The following ULK4 variants were observed in gnomAD, a reference collection of about 807,000 sequenced individuals.
ULK4 encodes unc-51 like kinase 4.
A neutral mutation model predicts 160.6 loss-of-function variants in ULK4; 133 were observed. The ratio of observed to expected loss-of-function variants is 0.83; its 90% CI spans 0.72 to 0.96. The LOEUF (loss-of-function observed/expected upper bound fraction) is 0.96. Among genes scored for constraint, ULK4 ranks in the 40% least tolerant of loss-of-function variants. ULK4 has a pLI of 0.00. For synonymous variants in ULK4, 534 were observed against 539.8 expected, an observed-to-expected ratio of 0.99 and a Z score of 0.15; for missense variants, 1,580 against 1,499.5, an observed-to-expected ratio of 1.05 and a Z score of -0.89.
chr3:41,731,675 GGA>G (rs1491179211), intron 22 of ULK4, among the ~76,000 whole-genome samples: 2 of 136,964 alleles, frequency 1.5e-5, no homozygotes, highest in Admixed American at 6.8e-5. Context: ...CAATTTTGGG[GGA>G]AAAAAAAAAA....
At chr3:41,740,595 A>G (rs2038208461) in intron 22 of ULK4, among the ~76,000 whole-genome samples, 1 of 151,928 alleles carries the variant, frequency 6.6e-6, no homozygotes, top group Non-Finnish European at 1.5e-5. Context: ...CAGATTTCAG[A>G]GCTGACATCA....
chr3:41,915,633 AAC>A (rs1299372407), intron 8 of ULK4, among the ~76,000 whole-genome samples: 1 of 152,208 alleles, frequency 6.6e-6, no homozygotes, highest in Non-Finnish European at 1.5e-5. Flanking sequence ...TCAATAGTCA[AAC>A]AGTTTTAGCC....
intron 5 of ULK4, among the ~76,000 whole-genome samples, chr3:41,928,718 CAAAT>C (rs1699477030): frequency 1.3e-5 from 2 of 152,020 alleles, no homozygotes; most frequent in Non-Finnish European, 2.9e-5. Flanking sequence ...CACCTCTACA[CAAAT>C]AAACTAGAAA....
chr3:41,780,294 AC>A (rs2125581932), intron 21 of ULK4, among the ~76,000 whole-genome samples: 2 of 151,932 alleles, frequency 1.3e-5, no homozygotes, highest in African/African-American at 4.8e-5. Flanking sequence ...GGAGAAAGAG[AC>A]CCCACCCTGG....
chr3:41,907,357 T>C (rs1188616613), intron 12 of ULK4, among the ~76,000 whole-genome samples: 1 of 151,936 alleles, frequency 6.6e-6, no homozygotes. Flanking sequence ...AGTGCGGTGG[T>C]GCTGTCATTG....
At chr3:41,703,790 G>A (rs898950346) in intron 27 of ULK4, among the ~76,000 whole-genome samples, 1 of 150,776 alleles carries the variant, frequency 6.6e-6, no homozygotes, top group African/African-American at 2.4e-5. Flanking sequence ...CAACATGTCA[G>A]AAGCCACAGA....
intron 11 of ULK4, among the ~76,000 whole-genome samples, chr3:41,910,329 T>C (rs964068301): frequency 1.3e-5 from 2 of 152,232 alleles, no homozygotes; most frequent in African/African-American, 2.4e-5. Context: ...CTGGGCACTG[T>C]GGCTCATGTG....
chr3:41,896,700 A>T (rs1194535864), intron 15 of ULK4, 122 bp downstream of exon 15: 2 of 1,126,946 alleles, frequency 1.8e-6, no homozygotes, highest in Non-Finnish European at 2.4e-6. Flanking sequence ...AATTTTCATA[A>T]ACCTAAAATC....
intron 29 of ULK4, among the ~76,000 whole-genome samples, chr3:41,669,051 C>G (rs896782436): frequency 2.0e-5 from 3 of 151,962 alleles, no homozygotes; most frequent in Non-Finnish European, 4.4e-5. Context: ...ACAAAATTCA[C>G]AGAGAAGGAA....
chr3:41,484,643 G>A lies in ULK4; in HGVS notation c.3227-21390C>T, dbSNP rs148454095. Among the ~76,000 whole-genome samples, 1,115 of 151,952 alleles carry A rather than the reference G, an allele frequency of 7.3e-3. 10 individuals are homozygous for A. The highest frequency in any genetic ancestry group is 0.026 in the African/African-American group (1,063 of 41,452). The stretch of plus-strand genomic sequence containing the variant: ...AATTTTTTGTATTTTTAGTAGAGAC[G>A]GGGTTTCACCGTGTTAGCCAGGATG... On this transcript the variant is annotated intron_variant, in intron 32 of 36. Coordinates refer to ENST00000301831, the MANE Select transcript of ULK4 (RefSeq NM_017886.4).
chr3:41,837,659 G>A (rs992454108), intron 17 of ULK4, among the ~76,000 whole-genome samples: 1 of 151,742 alleles, frequency 6.6e-6, no homozygotes, highest in Non-Finnish European at 1.5e-5. Flanking sequence ...TGCCTCCTGA[G>A]TTCAAGTGAT....
intron 32 of ULK4, among the ~76,000 whole-genome samples, chr3:41,473,669 A>AAAAAAAAAAAAAAAAG (rs2084055724): frequency 6.6e-6 from 1 of 150,532 alleles, no homozygotes; most frequent in African/African-American, 2.4e-5. Flanking sequence ...CTCAAAGAAA[A>AAAAAAAAAAAAAAAAG]AAAAAAAAAA....
intron 31 of ULK4, 136 bp from the exon 32 acceptor site, chr3:41,566,266 G>A (rs769353374): frequency 4.6e-5 from 32 of 700,472 alleles, no homozygotes; most frequent in Non-Finnish European, 6.8e-5. Flanking sequence ...CTTTAATGAA[G>A]CACATCCTTC....
rs191381525 is a variant in ULK4 at position 41,802,092 on chromosome 3, A to T, written c.1849-1799T>A. Among the ~76,000 whole-genome samples the T allele has an allele frequency of 6.6e-4, 100 of 152,268 alleles. 2 individuals are homozygous for T. In the East Asian group the frequency reaches 0.018, roughly 27 times the overall value. On this transcript the variant is annotated intron_variant, in intron 19 of 36. Coordinates refer to ENST00000301831, the MANE Select transcript of ULK4 (RefSeq NM_017886.4). ...CAAAAACAAAGATAAAATAAGTACC[A>T]TTCTGAAATGCAAAAGTTGAGAAAA...
At chr3:41,661,485 G>T (rs1465198829) in intron 30 of ULK4, among the ~76,000 whole-genome samples, 1 of 137,776 alleles carries the variant, frequency 7.3e-6, no homozygotes, top group Non-Finnish European at 1.5e-5. Flanking sequence ...AGATAGGCAG[G>T]CAGATAGACA....
chr3:41,392,309 A>G (rs556621769), intron 35 of ULK4, among the ~76,000 whole-genome samples: 68 of 152,280 alleles, frequency 4.5e-4, no homozygotes, highest in African/African-American at 1.6e-3. Context: ...TACAGACTAA[A>G]TAAGAAAGAG....
chr3:41,613,080 C>T (rs1422944979), intron 31 of ULK4, among the ~76,000 whole-genome samples: 1 of 152,192 alleles, frequency 6.6e-6, no homozygotes, highest in Non-Finnish European at 1.5e-5. Context: ...GGGCCCCACA[C>T]AATCTTCTCA....
At chr3:41,672,157 G>C (rs1189358959) in intron 29 of ULK4, among the ~76,000 whole-genome samples, 1 of 152,118 alleles carries the variant, frequency 6.6e-6, no homozygotes, top group African/African-American at 2.4e-5. Context: ...AAACAGTATG[G>C]AGACTTCTCA....
chr3:41,731,496 A>ATTTT (rs2037820569), intron 22 of ULK4, among the ~76,000 whole-genome samples: 1 of 152,112 alleles, frequency 6.6e-6, no homozygotes. Flanking sequence ...AAGTAAATGG[A>ATTTT]AAGATACTCC....
Sources: gnomAD v4.1 joint callset for allele counts (sites outside exome capture counted in the v4.1 genomes callset) on GRCh38, gnomAD v4.1.1 for gene constraint, MANE v1.5 for transcripts, NCBI Gene and HGNC (gene_info 2026-07-23, HGNC 2026-07-21) for gene names.